Variants in ZNF331 observed in about 807,000 individuals in gnomAD.
ZNF331 encodes zinc finger protein 331.
Under a neutral mutation model 7.0 loss-of-function variants are expected in ZNF331, and 2 were observed. That is an observed-to-expected ratio of 0.29 (90% CI 0.12 to 0.90). The LOEUF is 0.90. Among genes scored for constraint, ZNF331 ranks in the 40% least tolerant of loss-of-function variants. The probability of loss-of-function intolerance (pLI) is 0.58; values close to 1 mark genes in which losing one functional copy is unlikely to be tolerated. For synonymous variants in ZNF331, 196 were observed against 205.4 expected, an observed-to-expected ratio of 0.95 and a Z score of 0.39; for missense variants, 432 against 587.7, an observed-to-expected ratio of 0.74 and a Z score of 2.74.
At chr19:53,531,654 A>C (rs2087544965) in intron 2 of ZNF331, among the ~76,000 whole-genome samples, 1 of 152,188 alleles carries the variant, frequency 6.6e-6, no homozygotes, top group Non-Finnish European at 1.5e-5. Context: ...TTAAGAGTGG[A>C]GTTTGAGCAA....
chr19:53,542,011 A>AC (rs1661493912), intron 2 of ZNF331, among the ~76,000 whole-genome samples: 1 of 151,990 alleles, frequency 6.6e-6, no homozygotes, highest in Non-Finnish European at 1.5e-5. Context: ...CAAAAAAAAA[A>AC]ACAAGAAAAA....
At position 53,529,858 on chromosome 19, in the gene ZNF331, C is replaced by T. The variant is rs964886320; in HGVS notation, c.-205+7174C>T. On this transcript the variant is annotated intron_variant, in intron 2 of 6. Coordinates refer to the ZNF331 transcript ENST00000253144. Reference sequence around the variant, plus strand: ...AGCAGCTCAGGGCAGCCTGTGATCACGGACTGTGGGGAATTCCAGGTGATG... The same window carrying T: ...AGCAGCTCAGGGCAGCCTGTGATCATGGACTGTGGGGAATTCCAGGTGATG... Among the ~76,000 whole-genome samples, 8 of 152,130 alleles carry T rather than the reference C, an allele frequency of 5.3e-5. 1 individual carries two copies. Among genetic ancestry groups the T allele is most frequent in the Admixed American group, 4.6e-4 (7 of 15,268 alleles).
At chr19:53,525,202 G>A (rs1317859040) in intron 2 of ZNF331, among the ~76,000 whole-genome samples, 1 of 152,176 alleles carries the variant, frequency 6.6e-6, no homozygotes, top group Non-Finnish European at 1.5e-5. Flanking sequence ...GTAGTGTGAT[G>A]CCTCCAGCTT....
rs2087955733 is a variant in ZNF331, at chr19:53,539,185, GGTGTT to G, written c.-204-30_-204-26del. 1 of 152,194 alleles carries G rather than the reference GGTGTT, an allele frequency of 6.6e-6. No individual in the cohort carries two copies. Among genetic ancestry groups the G allele is most frequent in the Admixed American group, 6.5e-5 (1 of 15,280 alleles). The allele number at this position is 152,194 out of a possible 1,614,324, so 9.4% of individuals were successfully genotyped here. A position where few individuals can be genotyped will look rare whatever the true frequency, so the allele number is the denominator to read the frequency against. Reference sequence around the variant, plus strand: ...CTCATTGGTTTTATTAGGTATGGCAGGTGTTACCCTTCCGGTTCTGTTTTCCCCAG... The same window carrying G: ...CTCATTGGTTTTATTAGGTATGGCAGACCCTTCCGGTTCTGTTTTCCCCAG... On this transcript the variant is annotated intron_variant, in intron 1 of 5. Coordinates refer to ENST00000449416, the MANE Select transcript of ZNF331 (RefSeq NM_001079906.2). This position sits in a 1 kb window ranked among gnomAD's most constrained non-coding sequence, Gnocchi z 6.1.
At chr19:53,565,133 A>G (rs1031597342) in intron 3 of ZNF331, among the ~76,000 whole-genome samples, 2 of 152,192 alleles carry the variant, frequency 1.3e-5, no homozygotes, top group African/African-American at 2.4e-5. Context: ...CTGCCTGTAC[A>G]GTGTTTATAA....
chr19:53,559,947 C>T (rs1454969572), intron 3 of ZNF331, among the ~76,000 whole-genome samples: 1 of 134,884 alleles, frequency 7.4e-6, no homozygotes, highest in Non-Finnish European at 1.5e-5. Context: ...ACATACACAC[C>T]ACACACACAC....
chr19:53,559,167 T>C (rs2089646948), intron 3 of ZNF331, among the ~76,000 whole-genome samples: 1 of 139,266 alleles, frequency 7.2e-6, no homozygotes, highest in East Asian at 2.0e-4. Flanking sequence ...CCTACATATA[T>C]ACACACCATA....
rs2089567420 is a variant in ZNF331 at position 53,558,367 on chromosome 19, CAGAGTTCTTTTG to C, written c.-74+2460_-74+2471del. On this transcript the variant is annotated intron_variant, in intron 3 of 5. Transcript: ENST00000449416. This position sits in a 1 kb window ranked among gnomAD's most constrained non-coding sequence, Gnocchi z 4.5. ...GTGGAATTGGGGTGCGCCACCTTTTCAGAGTTCTTTTGTACCTTCCTAGCAGCCACCTCCTGT... is the reference window on the plus strand; with the variant it reads ...GTGGAATTGGGGTGCGCCACCTTTTCTACCTTCCTAGCAGCCACCTCCTGT... Among the ~76,000 whole-genome samples the C allele has an allele frequency of 6.6e-6, 1 of 152,120 alleles. No individual in the cohort carries two copies.
intron 2 of ZNF331, among the ~76,000 whole-genome samples, chr19:53,527,976 G>A (rs971389346): frequency 1.3e-5 from 2 of 152,156 alleles, no homozygotes; most frequent in Non-Finnish European, 1.5e-5. Context: ...ATGATTATAT[G>A]TACAAGTAAC....
At chr19:53,505,946 T>C in the ZNF331 span, among the ~76,000 whole-genome samples, 3 of 151,666 alleles carry the variant, frequency 2.0e-5, no homozygotes, top group African/African-American at 7.3e-5. Context: ...ATCGTGCCTC[T>C]GCACTCTGGC....
the ZNF331 span, among the ~76,000 whole-genome samples, chr19:53,505,295 GTTT>G: frequency 6.6e-6 from 1 of 152,034 alleles, no homozygotes; most frequent in African/African-American, 2.4e-5. Context: ...TTGTGTTTTT[GTTT>G]TTGTTTTTAG....
chr19:53,567,129 A>G (rs1463856077), intron 3 of ZNF331, among the ~76,000 whole-genome samples: 3 of 152,168 alleles, frequency 2.0e-5, no homozygotes, highest in African/African-American at 7.2e-5. Flanking sequence ...CTTAACATTC[A>G]GTAATCATTT....
chr19:53,544,011 A>C (rs113926545), intron 2 of ZNF331, among the ~76,000 whole-genome samples: 1 of 150,460 alleles, frequency 6.6e-6, no homozygotes, highest in East Asian at 2.0e-4. Context: ...GGCAGATCAC[A>C]AGGTCAGGAG....
the ZNF331 span, among the ~76,000 whole-genome samples, chr19:53,510,234 G>C: frequency 2.6e-5 from 4 of 152,252 alleles, no homozygotes; most frequent in African/African-American, 9.6e-5. Context: ...GTATAGATAG[G>C]CTTTCTTTCT....
At chr19:53,566,268 A>G (rs2090151037) in intron 3 of ZNF331, among the ~76,000 whole-genome samples, 1 of 152,152 alleles carries the variant, frequency 6.6e-6, no homozygotes, top group Non-Finnish European at 1.5e-5. Context: ...GAAGCTCACC[A>G]GAGTCTGCTG....
upstream of ZNF331, among the ~76,000 whole-genome samples, chr19:53,514,842 G>A (rs2086865363): frequency 6.6e-6 from 1 of 151,890 alleles, no homozygotes; most frequent in African/African-American, 2.4e-5. Context: ...AGTAGAGATG[G>A]GGTTTCACCA....
chr19:53,570,982 C>T (rs1442994421), intron 4 of ZNF331, among the ~76,000 whole-genome samples: 1 of 152,020 alleles, frequency 6.6e-6, no homozygotes, highest in African/African-American at 2.4e-5. Context: ...CCTCAGCCTC[C>T]CGAGTAGCTG....
At chr19:53,506,088 C>T in the ZNF331 span, among the ~76,000 whole-genome samples, 188 of 151,770 alleles carry the variant, frequency 1.2e-3, no homozygotes, top group Non-Finnish European at 1.9e-3. Context: ...GTAATCCCAG[C>T]ACTTTGGGAG....
intron 2 of ZNF331, among the ~76,000 whole-genome samples, chr19:53,548,315 G>A (rs908381759): frequency 1.3e-5 from 2 of 151,958 alleles, no homozygotes; most frequent in African/African-American, 4.8e-5. Flanking sequence ...GTTTCACCCT[G>A]TTAGCCAGGA....
Sources: gnomAD v4.1 joint callset for allele counts (sites outside exome capture counted in the v4.1 genomes callset) on GRCh38, gnomAD v4.1.1 for gene constraint, Gnocchi (gnomAD v3.1) non-coding constraint, MANE v1.5 for transcripts, NCBI Gene and HGNC (gene_info 2026-07-23, HGNC 2026-07-21) for gene names.